The following GPC5 variants were observed in gnomAD, a reference collection of about 807,000 sequenced individuals.
GPC5 encodes the protein glypican 5.
A neutral mutation model predicts 53.9 loss-of-function variants in GPC5; 47 were observed. The ratio of observed to expected loss-of-function variants is 0.87; its 90% CI spans 0.69 to 1.11. The LOEUF (loss-of-function observed/expected upper bound fraction) is 1.11, where lower values mean the gene tolerates loss of function less well. Among genes scored for constraint, GPC5 ranks in the 50% most tolerant of loss-of-function variants. The pLI, the probability that GPC5 is intolerant of heterozygous loss-of-function variation, is 0.00. For missense variants in GPC5, 748 were observed against 713.1 expected (o/e 1.05, Z -0.56); for synonymous variants, 286 against 263.3 (o/e 1.09, Z -0.84).
At chr13:92,838,494 A>T (rs1266319530) in intron 7 of GPC5, among the ~76,000 whole-genome samples, 1 of 151,702 alleles carries the variant, frequency 6.6e-6, no homozygotes, top group East Asian at 2.0e-4. Context: ...CCCCCAAAAA[A>T]AAAAAGAAAA....
At chr13:92,286,912 A>T (rs2139177758) in intron 7 of GPC5, among the ~76,000 whole-genome samples, 1 of 152,278 alleles carries the variant, frequency 6.6e-6, no homozygotes, top group East Asian at 1.9e-4. Flanking sequence ...AAAAGAAAAA[A>T]ATATGGCATG....
intron 2 of GPC5, among the ~76,000 whole-genome samples, chr13:91,603,405 C>T (rs2033244502): frequency 6.6e-6 from 1 of 152,222 alleles, no homozygotes; most frequent in South Asian, 2.1e-4. Flanking sequence ...ACATCTTTGT[C>T]TCATGGTATT....
At chr13:92,179,836 A>C (rs1168040075) in intron 7 of GPC5, among the ~76,000 whole-genome samples, 1 of 152,262 alleles carries the variant, frequency 6.6e-6, no homozygotes, top group Non-Finnish European at 1.5e-5. Context: ...CAGATTAAAC[A>C]GATAACATTT....
intron 7 of GPC5, among the ~76,000 whole-genome samples, chr13:92,559,811 CT>C (rs1002211020): frequency 1.3e-5 from 2 of 151,422 alleles, no homozygotes; most frequent in African/African-American, 4.9e-5. Flanking sequence ...TGTCTGCTGC[CT>C]ACAGGGCCTG....
intron 7 of GPC5, among the ~76,000 whole-genome samples, chr13:92,635,163 T>A (rs1425572429): frequency 6.6e-6 from 1 of 152,126 alleles, no homozygotes; most frequent in Non-Finnish European, 1.5e-5. Context: ...GAAATTAACA[T>A]GTACTATGTA....
At chr13:91,800,365 T>G (rs1466051177) in intron 5 of GPC5, among the ~76,000 whole-genome samples, 1 of 152,086 alleles carries the variant, frequency 6.6e-6, no homozygotes, top group Non-Finnish European at 1.5e-5. Context: ...AGTTTTCCTA[T>G]TGTGTCTTTC....
At chr13:92,296,482 G>A (rs2043035292) in intron 7 of GPC5, among the ~76,000 whole-genome samples, 1 of 152,172 alleles carries the variant, frequency 6.6e-6, no homozygotes, top group South Asian at 2.1e-4. Flanking sequence ...TATGTTCCTA[G>A]TGAGAGGTAA....
chr13:92,221,188 A>T lies in GPC5; in HGVS notation c.1561+76199A>T, dbSNP rs542035268. Among the ~76,000 whole-genome samples the T allele has an allele frequency of 6.6e-5, 10 of 152,276 alleles. No homozygotes were observed. The South Asian group carries it at 2.1e-3, about 32-fold the overall frequency. Reference sequence around the variant, plus strand: ...CCTATACTGCTAGGGTCAATTTACAATTGGGAAATAATTAATTTTGTGACT... The same window carrying T: ...CCTATACTGCTAGGGTCAATTTACATTTGGGAAATAATTAATTTTGTGACT... On this transcript the variant is annotated intron_variant, in intron 7 of 7. Transcript: ENST00000377067.
In GPC5 at chr13:92,394,316, A is replaced by G. The variant is rs12868541; in HGVS notation, c.1561+249327A>G. On this transcript the variant is annotated intron_variant, in intron 7 of 7. Coordinates refer to ENST00000377067, the MANE Select transcript of GPC5 (RefSeq NM_004466.6). ...GTGGACTGAATATTTGTGTCCTCTC[A>G]AAATTCATATCTTGAAATCCTAACT... 9.4e-3 allele frequency among the ~76,000 whole-genome samples: 1,425 copies of G among 152,276 alleles called. 23 individuals are homozygous for G. The highest frequency in any genetic ancestry group is 0.051 in the Middle Eastern group (15 of 294).
At chr13:92,180,516 A>T (rs997303788) in intron 7 of GPC5, among the ~76,000 whole-genome samples, 2 of 152,120 alleles carry the variant, frequency 1.3e-5, no homozygotes, top group African/African-American at 4.8e-5. Flanking sequence ...TTTTATTAGT[A>T]CAAACACATT....
At position 92,385,451 on chromosome 13, in the gene GPC5, T is replaced by TAC. The variant is rs1216905659; in HGVS notation, c.1561+240464_1561+240465dup. Among the ~76,000 whole-genome samples the TAC allele has an allele frequency of 3.0e-4, 38 of 128,260 alleles. 2 individuals are homozygous for TAC. The South Asian group carries it at 5.3e-3, about 18-fold the overall frequency. The allele number at this position is 128,260 out of a possible 152,430, so 84.1% of individuals were successfully genotyped here. On this transcript the variant is annotated intron_variant, in intron 7 of 7. Coordinates refer to ENST00000377067, the MANE Select transcript of GPC5 (RefSeq NM_004466.6). ...ATACATATATACATATATACATATA[T>TAC]ACATATATACACATATATACATATA...
intron 7 of GPC5, among the ~76,000 whole-genome samples, chr13:92,345,431 T>C (rs192163717): frequency 4.5e-4 from 68 of 152,064 alleles, no homozygotes; most frequent in Admixed American, 1.8e-3. Flanking sequence ...ATCAGCAAAA[T>C]AGAAGAATAG....
chr13:92,310,819 C>T (rs1036289009), intron 7 of GPC5, among the ~76,000 whole-genome samples: 1 of 152,026 alleles, frequency 6.6e-6, no homozygotes, highest in Non-Finnish European at 1.5e-5. Context: ...CAAATAGTAA[C>T]CAGATTATAG....
At chr13:92,481,892 G>C (rs776919273) in intron 7 of GPC5, among the ~76,000 whole-genome samples, 4 of 152,128 alleles carry the variant, frequency 2.6e-5, no homozygotes, top group African/African-American at 4.8e-5. Context: ...ACTTTGGGAC[G>C]CAGAGGTGGG....
At chr13:91,938,591 G>C (rs921940177) in intron 6 of GPC5, among the ~76,000 whole-genome samples, 4 of 152,138 alleles carry the variant, frequency 2.6e-5, no homozygotes, top group African/African-American at 9.7e-5. Flanking sequence ...CAAGGCCACT[G>C]CCTACTGGCC....
chr13:92,019,609 G>C (rs775118647), intron 6 of GPC5, among the ~76,000 whole-genome samples: 1 of 152,022 alleles, frequency 6.6e-6, no homozygotes, highest in Non-Finnish European at 1.5e-5. Flanking sequence ...GTCCACTAGA[G>C]ACTTTCCAGT....
At position 92,866,417 on chromosome 13, in the gene GPC5, T is replaced by A. The variant is rs752406929; in HGVS notation, c.1697T>A (p.Met566Lys). 2 of 1,605,612 alleles carry A rather than the reference T, an allele frequency of 1.2e-6. No individual in the cohort carries two copies. The highest frequency in any genetic ancestry group is 1.7e-6 in the Non-Finnish European group (2 of 1,175,018). Residue 566 changes from methionine (M) to lysine (K), a missense_variant, in exon 8 of 8, where the codon ATG becomes AAG. By Grantham distance (95) the Met-to-Lys change is moderately conservative (BLOSUM62 -1). Coordinates refer to ENST00000377067, the MANE Select transcript of GPC5 (RefSeq NM_004466.6). ...SMTFTLISVV[M>K]LLPGIW ...ACATTCACTCTGATAAGTGTGGTGA[T>A]GTTACTTCCCGGGATTTGGTAACTG...
intron 5 of GPC5, among the ~76,000 whole-genome samples, chr13:91,903,043 T>TA (rs397757032): frequency 6.6e-6 from 1 of 150,954 alleles, no homozygotes; most frequent in Non-Finnish European, 1.5e-5. Context: ...TTTTTTTTTT[T>TA]AACAAACTTA....
intron 7 of GPC5, among the ~76,000 whole-genome samples, chr13:92,316,627 CAAAGT>C (rs1360905457): frequency 6.6e-6 from 1 of 151,902 alleles, no homozygotes; most frequent in Non-Finnish European, 1.5e-5. Flanking sequence ...TTAATAGACT[CAAAGT>C]AATATATCAA....
Sources: gnomAD v4.1 joint callset for allele counts (sites outside exome capture counted in the v4.1 genomes callset) on GRCh38, gnomAD v4.1.1 for gene constraint, MANE v1.5 for transcripts, NCBI Gene and HGNC (gene_info 2026-07-23, HGNC 2026-07-21) for gene names.